Variants in MYO7A observed in about 807,000 individuals in gnomAD.
MYO7A encodes the protein myosin VIIA.
MYO7A carries 210 observed loss-of-function variants against 263.8 expected under a neutral mutation model. The observed-to-expected ratio is 0.80, with a 90% CI of 0.71 to 0.89. The LOEUF is 0.89. Ranked by LOEUF, MYO7A falls within the 40% of genes least tolerant of loss-of-function variation. The pLI, the probability that MYO7A is intolerant of heterozygous loss-of-function variation, is 0.00. For synonymous variants in MYO7A, 1,239 were observed against 1,197.3 expected (o/e 1.03, Z -0.72); for missense variants, 2,820 against 2,968.3 (o/e 0.95, Z 1.16).
chr11:77,137,009 G>A lies in MYO7A; in HGVS notation c.19-5700G>A, dbSNP rs1397858507. The stretch of plus-strand genomic sequence containing the variant: ...TCTGAACCTGTACTCAGTGAAGGTC[G>A]GTTATATGAACTCGTGGTAGAATGC... On this transcript the variant is annotated intron_variant, in intron 2 of 48. Coordinates refer to ENST00000409709, the MANE Select transcript of MYO7A (RefSeq NM_000260.4). Among the ~76,000 whole-genome samples the A allele has an allele frequency of 4.6e-5, 7 of 152,152 alleles. No individual in the cohort carries two copies. The highest frequency in any genetic ancestry group is 2.0e-4 in the Admixed American group (3 of 15,278).
chr11:77,177,414 C>G (rs1555080607), intron 18 of MYO7A, 135 bp from the exon 19 acceptor site: 2 of 700,446 alleles, frequency 2.9e-6, no homozygotes, highest in African/African-American at 3.5e-5. Flanking sequence ...GGGCCAGAGC[C>G]AGCTGGGAGC....
chr11:77,182,948 G>A (rs1312321107), intron 25 of MYO7A, 120 bp from the exon 26 acceptor site: 4 of 880,454 alleles, frequency 4.5e-6, no homozygotes, highest in South Asian at 1.4e-5. Flanking sequence ...GTGGCAGTGT[G>A]GGGGACACCC....
Position 77,198,517 on chromosome 11 carries a change from C to T in MYO7A, c.4464C>T (p.Asp1488=), listed in dbSNP as rs182768589. The T allele has an allele frequency of 2.4e-5, 39 of 1,613,890 alleles. No homozygotes were observed. The highest frequency in any genetic ancestry group is 4.5e-5 in the East Asian group (2 of 44,890). ...CAGGCCCCAGTCTCCCCAAGAACGA[C>T]GTCATCGTGGCCGTCAACTGGACGG... ...KFSGPSLPKN[D]VIVAVNWTGV... The change falls in exon 34 of 49, where the codon GAC becomes GAT. Residue 1488 remains aspartate (D), a synonymous_variant. Transcript: ENST00000409709.
chr11:77,203,334 T>C, intron 38 of MYO7A, 117 bp downstream of exon 38: 1 of 1,167,224 alleles, frequency 8.6e-7, no homozygotes, highest in African/African-American at 1.5e-5. Context: ...GGAGGGTTGA[T>C]GGAGTACCCC....
chr11:77,148,009 T>TCGCCCCACCC (rs1254368754), intron 4 of MYO7A, 59 bp downstream of exon 4: 9 of 1,210,082 alleles, frequency 7.4e-6, no homozygotes, highest in African/African-American at 6.0e-5. Context: ...CCCGCCCACC[T>TCGCCCCACCC]CGCCCCACCC....
intron 47 of MYO7A, 141 bp downstream of exon 47, chr11:77,213,176 C>G: frequency 1.4e-6 from 1 of 700,126 alleles, no homozygotes. Flanking sequence ...CAAAAGCTGT[C>G]AGCGTTTGCT....
At chr11:77,171,245 TTGTG>T (rs140232157) in intron 15 of MYO7A, among the ~76,000 whole-genome samples, 23 of 150,560 alleles carry the variant, frequency 1.5e-4, no homozygotes, top group Non-Finnish European at 2.7e-4. Context: ...TGTGTGTGTG[TTGTG>T]TGTGTGTGTG....
intron 4 of MYO7A, among the ~76,000 whole-genome samples, chr11:77,154,557 C>T (rs1459990329): frequency 6.6e-6 from 1 of 152,198 alleles, no homozygotes; most frequent in Non-Finnish European, 1.5e-5. Context: ...CACAGAGAGC[C>T]AGCTCCAGCT....
At chr11:77,158,087 C>A (rs1224620861) in intron 8 of MYO7A, among the ~76,000 whole-genome samples, 190 bp from the exon 9 acceptor site, 1 of 152,164 alleles carries the variant, frequency 6.6e-6, no homozygotes, top group Non-Finnish European at 1.5e-5. Context: ...TCCTGGGAAG[C>A]CCAGGCTTTC....
chr11:77,172,684 C>A lies in MYO7A; in HGVS notation c.1798-64C>A, dbSNP rs908956895. 7.1e-6 allele frequency: 11 copies of A among 1,540,288 alleles called. No homozygotes were observed. In the East Asian group the frequency reaches 2.2e-4, roughly 31 times the overall value. ...ACCTCCCCTCCCGCTTCCTACTGGG[C>A]GGCTCCTGGGACACTGGATGGGGCA... On this transcript the variant is annotated intron_variant, in intron 15 of 48. Coordinates refer to ENST00000409709, the MANE Select transcript of MYO7A (RefSeq NM_000260.4).
intron 30 of MYO7A, 31 bp from the exon 31 acceptor site, chr11:77,192,018 CTG>C (rs760906276): frequency 1.9e-6 from 3 of 1,585,400 alleles, no homozygotes; most frequent in Admixed American, 1.7e-5. Context: ...TTCCCTGACT[CTG>C]TGCCTGCTCC....
At chr11:77,159,577 G>A (rs1555067026) in intron 10 of MYO7A, 54 bp downstream of exon 10, 4 of 1,563,782 alleles carry the variant, frequency 2.6e-6, no homozygotes, top group South Asian at 1.1e-5. Flanking sequence ...GAAGGGTTGA[G>A]TTTAAGCTCA....
intron 16 of MYO7A, among the ~76,000 whole-genome samples, chr11:77,173,592 T>C (rs1555078000): frequency 6.6e-6 from 1 of 152,088 alleles, no homozygotes; most frequent in African/African-American, 2.4e-5. Flanking sequence ...AGCCCTCTCC[T>C]TTCGCAGCAC....
chr11:77,206,571 A>T (rs1957458906), intron 41 of MYO7A, among the ~76,000 whole-genome samples: 1 of 152,160 alleles, frequency 6.6e-6, no homozygotes, highest in Non-Finnish European at 1.5e-5. Context: ...CTGTCGACTG[A>T]GCCCACTTTC....
chr11:77,171,707 G>A (rs538393546), intron 15 of MYO7A, among the ~76,000 whole-genome samples: 1 of 152,192 alleles, frequency 6.6e-6, no homozygotes, highest in African/African-American at 2.4e-5. Context: ...ATCAAATGAA[G>A]TCAAGTAAAA....
intron 4 of MYO7A, among the ~76,000 whole-genome samples, chr11:77,152,202 A>C (rs1952028108): frequency 6.6e-6 from 1 of 152,226 alleles, no homozygotes; most frequent in African/African-American, 2.4e-5. Flanking sequence ...AGTTAGGTAG[A>C]TACATACATA....
At chr11:77,183,042 G>A in intron 25 of MYO7A, 26 bp from the exon 26 acceptor site, 1 of 1,546,452 alleles carries the variant, frequency 6.5e-7, no homozygotes, top group Non-Finnish European at 8.7e-7. Context: ...TCAGCCACTT[G>A]ACCCTGATCC....
Position 77,172,904 on chromosome 11 carries a change from G to C in MYO7A, c.1935+19G>C. The C allele has an allele frequency of 6.5e-7, 1 of 1,540,128 alleles. No homozygotes were observed. The highest frequency in any genetic ancestry group is 1.2e-5 in the South Asian group (1 of 83,604). On this transcript the variant is annotated intron_variant, in intron 16 of 48. Transcript: ENST00000409709. ...GCCCATGGTGAGTGGCCCTGGCCTGGGGTTGGCGGGTGGCGGCTAGGGTGA... is the reference window on the plus strand; with the variant it reads ...GCCCATGGTGAGTGGCCCTGGCCTGCGGTTGGCGGGTGGCGGCTAGGGTGA...
At chr11:77,205,968 G>C (rs1480358332) in intron 40 of MYO7A, 129 bp from the exon 41 acceptor site, 1 of 759,182 alleles carries the variant, frequency 1.3e-6, no homozygotes, top group Non-Finnish European at 2.2e-6. Context: ...GGGAGACTCA[G>C]TGGCCGGTCA....
Sources: allele counts gnomAD v4.1 joint callset (sites outside exome capture counted in the v4.1 genomes callset), GRCh38; gene constraint gnomAD v4.1.1; transcripts MANE v1.5; gene names NCBI Gene and HGNC (gene_info 2026-07-23, HGNC 2026-07-21).